MYT1L: variants seen among roughly 807,000 people sequenced by gnomAD.
The protein encoded by MYT1L is myelin transcription factor 1-like protein.
A neutral mutation model predicts 126.7 loss-of-function variants in MYT1L; 12 were observed. The observed-to-expected ratio is 0.09, with a 90% confidence interval of 0.06 to 0.15. The LOEUF (loss-of-function observed/expected upper bound fraction) is 0.15, where lower values mean the gene tolerates loss of function less well. Ranked by LOEUF, MYT1L falls within the 10% of genes least tolerant of loss-of-function variation. The probability of loss-of-function intolerance (pLI) is 1.00; values close to 1 mark genes in which losing one functional copy is unlikely to be tolerated. For missense variants in MYT1L, 979 were observed against 1,585.2 expected, an observed-to-expected ratio of 0.62 and a Z score of 6.49; for synonymous variants, 541 against 604.2, an observed-to-expected ratio of 0.90 and a Z score of 1.53.
chr2:1,835,340 CA>C, intron 21 of MYT1L, among the ~76,000 whole-genome samples: 1 of 152,290 alleles, frequency 6.6e-6, no homozygotes, highest in Non-Finnish European at 1.5e-5. Context: ...CCTAGTTACA[CA>C]AAAGTGTTGA....
rs113633514 is a variant in MYT1L, at chr2:2,002,687, C to A, written c.-157-5340G>T. Among the ~76,000 whole-genome samples the A allele has an allele frequency of 5.5e-3, 841 of 152,286 alleles. 7 individuals are homozygous for A. The highest frequency in any genetic ancestry group is 0.019 in the African/African-American group (790 of 41,544). ...TTTAGCCTTGTGATATGTGTCCCCA[C>A]CCAAATCTCACCTTGAATTGTAATC... On this transcript the variant is annotated intron_variant, in intron 4 of 24. Transcript: ENST00000647738.
chr2:2,206,192 G>C (rs2093312731), intron 2 of MYT1L, among the ~76,000 whole-genome samples: 2 of 151,974 alleles, frequency 1.3e-5, no homozygotes, highest in African/African-American at 4.8e-5. Flanking sequence ...TGGCCAGGCT[G>C]GTTTCGAACT....
chr2:2,134,811 C>T (rs1327118711), intron 3 of MYT1L, among the ~76,000 whole-genome samples: 3 of 152,190 alleles, frequency 2.0e-5, no homozygotes, highest in Non-Finnish European at 4.4e-5. Flanking sequence ...TCTCTTTCCT[C>T]GTCTGTGGCT....
At chr2:1,813,981 C>G (rs1423700519) in intron 21 of MYT1L, among the ~76,000 whole-genome samples, 2 of 137,378 alleles carry the variant, frequency 1.5e-5, no homozygotes, top group South Asian at 2.7e-4. Context: ...GAGCCGAGAT[C>G]GCGCCACTGC....
intron 3 of MYT1L, among the ~76,000 whole-genome samples, chr2:2,089,240 T>C (rs1475653659): frequency 4.6e-5 from 7 of 152,212 alleles, no homozygotes; most frequent in East Asian, 3.9e-4. Flanking sequence ...TAAGGCAATG[T>C]CAATCTCATT....
intron 3 of MYT1L, among the ~76,000 whole-genome samples, chr2:2,080,576 T>C (rs1219377857): frequency 6.6e-6 from 1 of 152,180 alleles, no homozygotes; most frequent in Non-Finnish European, 1.5e-5. Context: ...GAAAAGATGC[T>C]GAACATCATT....
chr2:2,151,971 A>G (rs1217165338), intron 3 of MYT1L, among the ~76,000 whole-genome samples: 9 of 152,116 alleles, frequency 5.9e-5, no homozygotes, highest in Admixed American at 5.9e-4. Context: ...CAGGAGAATC[A>G]CTTGAACCCG....
chr2:2,248,545 G>A (rs2094577075), intron 2 of MYT1L, among the ~76,000 whole-genome samples: 1 of 152,024 alleles, frequency 6.6e-6, no homozygotes, highest in African/African-American at 2.4e-5. Context: ...GTATTACCCT[G>A]ACAACACCAC....
At chr2:2,315,130 G>A (rs2096043860) in intron 1 of MYT1L, among the ~76,000 whole-genome samples, 1 of 152,182 alleles carries the variant, frequency 6.6e-6, no homozygotes. Context: ...GCACTTTTCT[G>A]TTAGTGTGTC....
chr2:2,140,583 C>T (rs913696073), intron 3 of MYT1L, among the ~76,000 whole-genome samples: 1 of 151,634 alleles, frequency 6.6e-6, no homozygotes, highest in African/African-American at 2.4e-5. Context: ...TACAGGTGCC[C>T]GCCACCACGC....
intron 1 of MYT1L, among the ~76,000 whole-genome samples, chr2:2,292,708 T>C (rs1193580054): frequency 1.3e-5 from 2 of 152,130 alleles, no homozygotes; most frequent in Non-Finnish European, 1.5e-5. Context: ...AAGTTTGTAT[T>C]TGTAAATTTA....
chr2:2,267,017 A>G (rs2095148387), intron 2 of MYT1L, among the ~76,000 whole-genome samples: 1 of 152,206 alleles, frequency 6.6e-6, no homozygotes, highest in Non-Finnish European at 1.5e-5. Context: ...GTACGTGGAG[A>G]GTGCTTCAGC....
At chr2:2,081,750 T>C (rs1360377676) in intron 3 of MYT1L, among the ~76,000 whole-genome samples, 1 of 152,130 alleles carries the variant, frequency 6.6e-6, no homozygotes, top group African/African-American at 2.4e-5. Context: ...TATTTATTTA[T>C]TTACTTAGAG....
chr2:2,166,067 T>C (rs992000545), intron 3 of MYT1L, among the ~76,000 whole-genome samples: 6 of 152,242 alleles, frequency 3.9e-5, no homozygotes, highest in Non-Finnish European at 5.9e-5. Flanking sequence ...TTGTGTTTAT[T>C]AGGCAGACGT....
At chr2:2,157,416 C>A (rs1379727526) in intron 3 of MYT1L, among the ~76,000 whole-genome samples, 2 of 152,032 alleles carry the variant, frequency 1.3e-5, no homozygotes, top group Admixed American at 1.3e-4. Context: ...ATAATAATTT[C>A]TTTATTATTC....
rs2288179 is a variant in MYT1L, at chr2:1,801,717, A to G, written c.3255T>C (p.Asp1085=). The G allele has an allele frequency of 0.05, 80,942 of 1,610,066 alleles. 2,403 individuals carry two copies. Among genetic ancestry groups the G allele is most frequent in the South Asian group, 0.094 (8,491 of 90,004 alleles). The part of the protein sequence containing the change: ...LNESNSQMEA[D]MIKLRTQITT... ...TTACCTGAGTTCTGAGTTTAATCAT[A>G]TCGGCTTCCATCTGGGAATTGGATT... Residue 1085 remains aspartate (D), a synonymous_variant, in exon 23 of 25, where the codon GAT becomes GAC. Coordinates refer to ENST00000647738, the MANE Select transcript of MYT1L (RefSeq NM_001303052.2). This position sits in a 1 kb window ranked among gnomAD's most constrained non-coding sequence, Gnocchi z 4.2.
chr2:2,189,528 ATAT>A (rs1315965435), intron 2 of MYT1L, among the ~76,000 whole-genome samples: 6 of 152,340 alleles, frequency 3.9e-5, no homozygotes, highest in Non-Finnish European at 7.3e-5. Flanking sequence ...TTTATGGAAA[ATAT>A]TATTTTTCAT....
At chr2:1,930,013 A>G (rs2149164291) in intron 9 of MYT1L, among the ~76,000 whole-genome samples, 1 of 152,344 alleles carries the variant, frequency 6.6e-6, no homozygotes, top group African/African-American at 2.4e-5. Context: ...GCTTCGAGTC[A>G]GAAAGACAGA....
At chr2:1,975,995 A>C (rs905036066) in intron 8 of MYT1L, among the ~76,000 whole-genome samples, 3 of 152,170 alleles carry the variant, frequency 2.0e-5, no homozygotes, top group Admixed American at 6.5e-5. Context: ...GTTCCAATAC[A>C]TCAACACCTC....
Sources: allele counts gnomAD v4.1 joint callset (sites outside exome capture counted in the v4.1 genomes callset), GRCh38; gene constraint gnomAD v4.1.1; non-coding constraint Gnocchi (gnomAD v3.1); transcripts MANE v1.5; gene names NCBI Gene and HGNC (gene_info 2026-07-23, HGNC 2026-07-21).